TENM2: variants seen among roughly 807,000 people sequenced by gnomAD.
TENM2 encodes teneurin transmembrane protein 2, also known as teneurin-2.
Under a neutral mutation model 245.2 loss-of-function variants are expected in TENM2, and 52 were observed. That is an observed-to-expected ratio of 0.21 (90% CI 0.17 to 0.27). The LOEUF (loss-of-function observed/expected upper bound fraction) is 0.27, where lower values mean the gene tolerates loss of function less well. TENM2 is among the 10% of genes least tolerant of loss of function. TENM2 has a pLI of 1.00. For missense variants in TENM2, 3,046 were observed against 3,666.8 expected, an observed-to-expected ratio of 0.83 and a Z score of 4.37; for synonymous variants, 1,363 against 1,438.9, an observed-to-expected ratio of 0.95 and a Z score of 1.19.
At chr5:167,786,515 C>T (rs1200866511) in intron 2 of TENM2, among the ~76,000 whole-genome samples, 1 of 152,218 alleles carries the variant, frequency 6.6e-6, no homozygotes, top group Non-Finnish European at 1.5e-5. Context: ...TGGATACAAA[C>T]AACACACTCC....
At chr5:167,998,734 T>A (rs1784231003) in intron 5 of TENM2, among the ~76,000 whole-genome samples, 1 of 152,204 alleles carries the variant, frequency 6.6e-6, no homozygotes, top group Non-Finnish European at 1.5e-5. Context: ...CAGTAATTCC[T>A]GCCAAATGTG....
chr5:168,064,923 A>G (rs1315173972), intron 7 of TENM2, among the ~76,000 whole-genome samples: 5 of 152,256 alleles, frequency 3.3e-5, no homozygotes, highest in African/African-American at 9.6e-5. Flanking sequence ...CGCTGTCATT[A>G]CATGCATTCA....
At chr5:167,258,161 A>G in the TENM2 span, among the ~76,000 whole-genome samples, 791 of 149,856 alleles carry the variant, frequency 5.3e-3, 5 homozygotes, top group African/African-American at 0.019. Context: ...TGAAGATATT[A>G]TATTTTGTAT....
At chr5:167,190,384 CT>C in the TENM2 span, among the ~76,000 whole-genome samples, 1 of 152,002 alleles carries the variant, frequency 6.6e-6, no homozygotes, top group Non-Finnish European at 1.5e-5. Context: ...TTCGCATCCC[CT>C]CTTCCTAAGC....
At chr5:168,243,140 C>T (rs549707235) in intron 25 of TENM2, among the ~76,000 whole-genome samples, 1 of 152,200 alleles carries the variant, frequency 6.6e-6, no homozygotes, top group African/African-American at 2.4e-5. Context: ...TCTGGATTTG[C>T]AGTCAGTGAA....
the TENM2 span, among the ~76,000 whole-genome samples, chr5:167,241,029 C>A: frequency 6.6e-6 from 1 of 152,112 alleles, no homozygotes; most frequent in Non-Finnish European, 1.5e-5. Flanking sequence ...AAATAGATCA[C>A]CACCTTTCCC....
At chr5:167,068,992 AT>A in the TENM2 span, among the ~76,000 whole-genome samples, 1 of 152,036 alleles carries the variant, frequency 6.6e-6, no homozygotes, top group Non-Finnish European at 1.5e-5. Flanking sequence ...TCGTCATTTC[AT>A]TTTCTTCTGC....
intron 2 of TENM2, among the ~76,000 whole-genome samples, chr5:167,849,568 A>G (rs6869111): frequency 0.67 from 101,702 of 151,640 alleles, 35,668 homozygotes; most frequent in Middle Eastern, 0.81. Flanking sequence ...AGGTAGCATC[A>G]GATCCCACAG....
At chr5:168,000,123 C>T (rs140296114) in intron 5 of TENM2, among the ~76,000 whole-genome samples, 243 of 152,356 alleles carry the variant, frequency 1.6e-3, no homozygotes, top group African/African-American at 5.4e-3. Context: ...CTTCTTCACA[C>T]ACCCTACTTA....
chr5:167,929,098 AAAGAAAGAAAGAAAGAAAGAAAG>A (rs1778054295), intron 3 of TENM2, among the ~76,000 whole-genome samples: 2 of 143,100 alleles, frequency 1.4e-5, no homozygotes, highest in Admixed American at 6.9e-5. Flanking sequence ...AGAAAGAAAG[AAAGAAAGAAAGAAAGAAAGAAAG>A]AAAGAAAGAA....
chr5:167,336,820 TA>T (rs199669707), intron 1 of TENM2, among the ~76,000 whole-genome samples: 30,481 of 144,640 alleles, frequency 0.21, 3,861 homozygotes, highest in Admixed American at 0.41. Context: ...TGCAAATATT[TA>T]AAAAAAAAAA....
rs1778223884 is a variant in TENM2 at position 167,930,845 on chromosome 5, A to G, written c.713-21743A>G. On this transcript the variant is annotated intron_variant, in intron 3 of 28. Transcript: ENST00000518659. ...AAATGCATTAAATGACATTTAAACT[A>G]GCCCCAAAAGAGTTATTATTTTTGC... Among the ~76,000 whole-genome samples the G allele has an allele frequency of 2.6e-5, 4 of 152,264 alleles. No individual in the cohort carries two copies. The South Asian group carries it at 8.3e-4, about 32-fold the overall frequency.
the TENM2 span, among the ~76,000 whole-genome samples, chr5:167,088,659 CAGTT>C: frequency 1.8e-4 from 27 of 147,212 alleles, no homozygotes; most frequent in Non-Finnish European, 2.1e-4. Flanking sequence ...GAAAAAAAAA[CAGTT>C]AGAAAGCTAT....
intron 2 of TENM2, among the ~76,000 whole-genome samples, chr5:167,725,598 C>T (rs1759944309): frequency 6.6e-6 from 1 of 152,180 alleles, no homozygotes; most frequent in Non-Finnish European, 1.5e-5. Flanking sequence ...TCCCTCCCTC[C>T]CTGTTTCTGC....
At chr5:167,048,117 T>G in the TENM2 span, among the ~76,000 whole-genome samples, 5 of 152,198 alleles carry the variant, frequency 3.3e-5, no homozygotes, top group Non-Finnish European at 5.9e-5. Flanking sequence ...TCTGTACTCA[T>G]GAATAATTAT....
chr5:168,069,496 A>G (rs190196789), intron 7 of TENM2, among the ~76,000 whole-genome samples: 1 of 152,230 alleles, frequency 6.6e-6, no homozygotes, highest in Non-Finnish European at 1.5e-5. Flanking sequence ...ATCCCTCTCC[A>G]TTTAACATGA....
chr5:167,259,127 A>G, the TENM2 span, among the ~76,000 whole-genome samples: 3 of 152,170 alleles, frequency 2.0e-5, no homozygotes, highest in Non-Finnish European at 4.4e-5. Flanking sequence ...TACTGGCTAG[A>G]GAAGCACAGT....
chr5:167,339,216 C>G (rs755084771), intron 1 of TENM2, among the ~76,000 whole-genome samples: 1 of 152,178 alleles, frequency 6.6e-6, no homozygotes, highest in African/African-American at 2.4e-5. Flanking sequence ...GAAAAATTCT[C>G]TCCTGCTGTA....
intron 2 of TENM2, among the ~76,000 whole-genome samples, chr5:167,868,046 G>C (rs1321674363): frequency 1.3e-5 from 2 of 152,146 alleles, no homozygotes; most frequent in Admixed American, 6.5e-5. Context: ...CTTAAAAATT[G>C]ATCACGTAAC....
Sources: allele counts gnomAD v4.1 joint callset (sites outside exome capture counted in the v4.1 genomes callset), GRCh38; gene constraint gnomAD v4.1.1; transcripts MANE v1.5; gene names NCBI Gene and HGNC (gene_info 2026-07-23, HGNC 2026-07-21).